The following CAP2 variants were observed in gnomAD, a reference collection of about 807,000 sequenced individuals.
CAP2 encodes the protein adenylyl cyclase-associated protein 2.
In CAP2, 24 loss-of-function variants were observed where a neutral mutation model predicts 57.7. The observed-to-expected ratio is 0.42, with a 90% CI of 0.30 to 0.58. CAP2 has a LOEUF of 0.58. Among genes scored for constraint, CAP2 ranks in the 20% least tolerant of loss-of-function variants. The pLI, the probability that CAP2 is intolerant of heterozygous loss-of-function variation, is 0.22. For missense variants in CAP2, 501 were observed against 590.3 expected (o/e 0.85, Z 1.57); for synonymous variants, 194 against 207.2 (o/e 0.94, Z 0.55).
intron 1 of CAP2, among the ~76,000 whole-genome samples, chr6:17,399,666 C>G (rs189241602): frequency 1.9e-4 from 29 of 152,274 alleles, no homozygotes; most frequent in African/African-American, 6.5e-4. Flanking sequence ...GCCCCTAATT[C>G]TTAAAATTTC....
At chr6:17,424,891 G>T (rs1014380074) in intron 2 of CAP2, among the ~76,000 whole-genome samples, 1 of 152,188 alleles carries the variant, frequency 6.6e-6, no homozygotes, top group Non-Finnish European at 1.5e-5. Flanking sequence ...CCCCGCTCGG[G>T]CCTCTTCCAT....
At chr6:17,533,895 C>G (rs183539115) in intron 7 of CAP2, among the ~76,000 whole-genome samples, 237 of 152,274 alleles carry the variant, frequency 1.6e-3, no homozygotes, top group African/African-American at 5.3e-3. Flanking sequence ...ACCATTGTTA[C>G]AATGACTCCA....
chr6:17,406,398 C>CTTTT (rs777803474), intron 1 of CAP2, among the ~76,000 whole-genome samples: 4 of 102,480 alleles, frequency 3.9e-5, no homozygotes, highest in East Asian at 4.8e-4. Flanking sequence ...GCCCAGATTT[C>CTTTT]TTTTTTTTTT....
At chr6:17,394,802 G>C (rs532175079) in intron 1 of CAP2, among the ~76,000 whole-genome samples, 2 of 152,240 alleles carry the variant, frequency 1.3e-5, no homozygotes, top group East Asian at 1.9e-4. Context: ...ATAGTTACTA[G>C]AGTCTAATTA....
At chr6:17,418,177 G>A (rs755153) in intron 1 of CAP2, among the ~76,000 whole-genome samples, 41,840 of 151,976 alleles carry the variant, frequency 0.28, 6,353 homozygotes, top group Admixed American at 0.33. Context: ...GAGAGAAGGC[G>A]GCATGATCAT....
intron 3 of CAP2, among the ~76,000 whole-genome samples, chr6:17,457,129 G>C (rs1025632872): frequency 6.6e-6 from 1 of 152,168 alleles, no homozygotes; most frequent in Non-Finnish European, 1.5e-5. Context: ...AACTGATAAA[G>C]TTCAAACAGA....
intron 9 of CAP2, among the ~76,000 whole-genome samples, chr6:17,541,889 C>T (rs2113700795): frequency 6.6e-6 from 1 of 152,260 alleles, no homozygotes; most frequent in East Asian, 1.9e-4. Flanking sequence ...CTCATGCATT[C>T]TTTTCTTCAA....
At chr6:17,466,404 A>C (rs1760866045) in intron 4 of CAP2, among the ~76,000 whole-genome samples, 1 of 152,190 alleles carries the variant, frequency 6.6e-6, no homozygotes, top group African/African-American at 2.4e-5. Context: ...CTGCGGTTCT[A>C]AAATGTTCCC....
intron 1 of CAP2, among the ~76,000 whole-genome samples, chr6:17,402,381 T>G (rs931849191): frequency 6.6e-6 from 1 of 152,210 alleles, no homozygotes; most frequent in Non-Finnish European, 1.5e-5. Flanking sequence ...AATTTCTGAG[T>G]ATAAATTTCG....
At chr6:17,441,726 C>T (rs1760079634) in intron 3 of CAP2, among the ~76,000 whole-genome samples, 1 of 152,164 alleles carries the variant, frequency 6.6e-6, no homozygotes, top group African/African-American at 2.4e-5. Context: ...CTCAAGCAAT[C>T]CTCCCACCTT....
intron 1 of CAP2, among the ~76,000 whole-genome samples, chr6:17,398,204 C>T (rs1381243259): frequency 6.6e-6 from 1 of 152,200 alleles, no homozygotes; most frequent in East Asian, 1.9e-4. Context: ...GGGAGGACAA[C>T]TTTATTATTA....
At chr6:17,546,370 T>C (rs971245343) in intron 11 of CAP2, among the ~76,000 whole-genome samples, 17 of 152,356 alleles carry the variant, frequency 1.1e-4, no homozygotes, top group African/African-American at 3.4e-4. Flanking sequence ...TCATATCCTT[T>C]GCCCACTTTT....
At chr6:17,523,480 G>A (rs1762435790) in intron 7 of CAP2, among the ~76,000 whole-genome samples, 1 of 152,130 alleles carries the variant, frequency 6.6e-6, no homozygotes, top group Admixed American at 6.5e-5. Context: ...TGTACGTGTT[G>A]GGAGTCATCT....
chr6:17,529,283 C>T (rs1474999354), intron 7 of CAP2, among the ~76,000 whole-genome samples: 5 of 152,108 alleles, frequency 3.3e-5, no homozygotes, highest in African/African-American at 1.2e-4. Context: ...GTCAGTTTCA[C>T]TAAGTTATTG....
intron 4 of CAP2, among the ~76,000 whole-genome samples, chr6:17,503,379 C>T (rs986947946): frequency 2.6e-5 from 4 of 151,992 alleles, no homozygotes; most frequent in Admixed American, 6.6e-5. Flanking sequence ...GAGGCCGAGG[C>T]GGGCAGATCA....
At chr6:17,526,567 G>A (rs894787238) in intron 7 of CAP2, among the ~76,000 whole-genome samples, 1 of 152,220 alleles carries the variant, frequency 6.6e-6, no homozygotes, top group Non-Finnish European at 1.5e-5. Context: ...TCAGGAAACA[G>A]AAGGTAGTAT....
At chr6:17,423,687 A>G (rs1443924588) in intron 2 of CAP2, among the ~76,000 whole-genome samples, 1 of 152,236 alleles carries the variant, frequency 6.6e-6, no homozygotes, top group East Asian at 1.9e-4. Flanking sequence ...TGAACTTGGT[A>G]CATTGTAAAA....
chr6:17,463,078 G>T lies in CAP2; in HGVS notation c.300+5G>T. 6.2e-7 allele frequency: 1 copy of T among 1,607,958 alleles called. No individual in the cohort carries two copies. Among genetic ancestry groups the T allele is most frequent in the East Asian group, 2.2e-5 (1 of 44,842 alleles). ...CAGTACCAACAACCCCACGAGGTAA[G>T]AGAGTGTCCTGAGAGGGAAGGTGTC... is the stretch of plus-strand genomic sequence containing the variant. On this transcript the variant is annotated splice_donor_5th_base_variant and intron_variant, in intron 4 of 12. Coordinates refer to ENST00000229922, the MANE Select transcript of CAP2 (RefSeq NM_006366.3).
At chr6:17,546,612 C>T (rs1030978499) in intron 11 of CAP2, among the ~76,000 whole-genome samples, 12 of 152,106 alleles carry the variant, frequency 7.9e-5, no homozygotes, top group African/African-American at 2.7e-4. Context: ...GACATGAAGT[C>T]CTCGCCCATG....
Sources: gnomAD v4.1 joint callset for allele counts (sites outside exome capture counted in the v4.1 genomes callset) on GRCh38, gnomAD v4.1.1 for gene constraint, MANE v1.5 for transcripts, NCBI Gene and HGNC (gene_info 2026-07-23, HGNC 2026-07-21) for gene names.